The following NFATC1 variants were observed in gnomAD, a reference collection of about 807,000 sequenced individuals.
The protein encoded by NFATC1 is nuclear factor of activated T-cells, cytoplasmic 1.
A neutral mutation model predicts 76.0 loss-of-function variants in NFATC1; 22 were observed. That is an observed-to-expected ratio of 0.29 (90% CI 0.21 to 0.41). NFATC1 has a LOEUF of 0.41. NFATC1 is among the 10% of genes least tolerant of loss of function. NFATC1 has a pLI of 1.00. For synonymous variants in NFATC1, 704 were observed against 613.1 expected (o/e 1.15, Z -2.19); for missense variants, 1,357 against 1,337.7 (o/e 1.01, Z -0.23).
At chr18:79,486,209 C>T (rs1176981911) in intron 8 of NFATC1, 39 bp from the exon 9 acceptor site, 1 of 1,569,342 alleles carries the variant, frequency 6.4e-7, no homozygotes, top group Non-Finnish European at 8.7e-7. Flanking sequence ...CACTCATTCG[C>T]AACTTGTGTT....
chr18:79,441,221 G>A (rs754589729), intron 3 of NFATC1, among the ~76,000 whole-genome samples: 18 of 152,338 alleles, frequency 1.2e-4, no homozygotes, highest in Non-Finnish European at 2.4e-4. Flanking sequence ...GGCGCTGCAG[G>A]GTGCGGGCCC....
intron 2 of NFATC1, among the ~76,000 whole-genome samples, chr18:79,432,342 C>T (rs370780502): frequency 4.8e-5 from 7 of 144,848 alleles, no homozygotes; most frequent in African/African-American, 1.1e-4. Flanking sequence ...TGAGGACAGT[C>T]GGCGGGCCCT....
At chr18:79,484,506 C>T (rs950976185) in intron 8 of NFATC1, among the ~76,000 whole-genome samples, 1 of 151,684 alleles carries the variant, frequency 6.6e-6, no homozygotes, top group African/African-American at 2.4e-5. Context: ...ACTCAGTGTG[C>T]AGGGCGGACG....
chr18:79,454,955 G>A (rs1354502039), intron 6 of NFATC1, among the ~76,000 whole-genome samples: 1 of 152,002 alleles, frequency 6.6e-6, no homozygotes, highest in Non-Finnish European at 1.5e-5. Flanking sequence ...GCACCTCTCT[G>A]TACACGCGTG....
chr18:79,449,674 C>T (rs554921978), intron 4 of NFATC1, among the ~76,000 whole-genome samples: 7 of 152,230 alleles, frequency 4.6e-5, no homozygotes, highest in Non-Finnish European at 7.4e-5. Context: ...GGAGCCAGGC[C>T]GGAGGGCAGG....
At chr18:79,433,123 G>A (rs775752321) in intron 2 of NFATC1, among the ~76,000 whole-genome samples, 8 of 152,270 alleles carry the variant, frequency 5.3e-5, no homozygotes, top group African/African-American at 9.6e-5. Flanking sequence ...GCGGCGCTGC[G>A]CACATCACAA....
intron 9 of NFATC1, among the ~76,000 whole-genome samples, chr18:79,506,189 C>T (rs747800886): frequency 1.3e-5 from 2 of 152,150 alleles, no homozygotes; most frequent in South Asian, 2.1e-4. Context: ...AGCGGTTCGC[C>T]GTGGGGTCTG....
At chr18:79,485,548 C>A (rs186617672) in intron 8 of NFATC1, among the ~76,000 whole-genome samples, 9 of 151,150 alleles carry the variant, frequency 6.0e-5, no homozygotes, top group African/African-American at 1.9e-4. Flanking sequence ...CCGGGCCTGG[C>A]GGAGCAGCCT....
At chr18:79,412,608 C>T (rs750926827) in intron 2 of NFATC1, among the ~76,000 whole-genome samples, 9 of 152,172 alleles carry the variant, frequency 5.9e-5, no homozygotes, top group Non-Finnish European at 1.2e-4. Flanking sequence ...CAGTCTCAGG[C>T]CATGCTTCAG....
chr18:79,503,144 A>G (rs2090048748), intron 9 of NFATC1, among the ~76,000 whole-genome samples: 1 of 152,256 alleles, frequency 6.6e-6, no homozygotes, highest in South Asian at 2.1e-4. Flanking sequence ...AAAAGGAATG[A>G]GTACTGAGCA....
intron 9 of NFATC1, among the ~76,000 whole-genome samples, chr18:79,517,207 A>T (rs2090405040): frequency 6.6e-6 from 1 of 152,242 alleles, no homozygotes; most frequent in South Asian, 2.1e-4. Flanking sequence ...TGTCCTACCC[A>T]AATTATTACC....
At chr18:79,471,766 G>A (rs556637281) in intron 8 of NFATC1, among the ~76,000 whole-genome samples, 8 of 152,376 alleles carry the variant, frequency 5.3e-5, no homozygotes, top group African/African-American at 1.7e-4. Context: ...ACCACAGAAC[G>A]TGACATCCAG....
rs2088425449 is a variant in NFATC1 at position 79,465,389 on chromosome 18, C to T, written c.1960-2061C>T. ...CATGCCCCACAGGGTCCCACCTCCA[C>T]CCATCCAGCCTGCCTCACGGGGTCC... On this transcript the variant is annotated intron_variant, in intron 7 of 9. Coordinates refer to ENST00000427363, the MANE Select transcript of NFATC1 (RefSeq NM_001278669.2). This position sits in a 1 kb window ranked among gnomAD's most constrained non-coding sequence, Gnocchi z 4.2. Among the ~76,000 whole-genome samples the T allele has an allele frequency of 2.0e-5, 3 of 152,150 alleles. No individual in the cohort carries two copies. Among genetic ancestry groups the T allele is most frequent in the Admixed American group, 1.3e-4 (2 of 15,266 alleles).
At chr18:79,432,593 C>T (rs940096882) in intron 2 of NFATC1, among the ~76,000 whole-genome samples, 2 of 152,330 alleles carry the variant, frequency 1.3e-5, no homozygotes, top group Non-Finnish European at 2.9e-5. Flanking sequence ...GGGGCTGCAG[C>T]GGCCACAGAG....
intron 1 of NFATC1, chr18:79,400,399 G>C (rs1249819200): frequency 5.4e-6 from 8 of 1,489,674 alleles, no homozygotes; most frequent in South Asian, 1.3e-5. Context: ...GCCATGACGG[G>C]GCTGGAGGAC....
chr18:79,436,236 T>TG, intron 3 of NFATC1, among the ~76,000 whole-genome samples: 1 of 152,180 alleles, frequency 6.6e-6, no homozygotes, highest in Non-Finnish European at 1.5e-5. Context: ...CGCACTGGCC[T>TG]GGGGGCGCGA....
chr18:79,445,901 C>T (rs1355287474), intron 3 of NFATC1, among the ~76,000 whole-genome samples: 1 of 152,222 alleles, frequency 6.6e-6, no homozygotes, highest in Non-Finnish European at 1.5e-5. Context: ...TAAATTTGGC[C>T]TCAATCATCC....
Position 79,410,958 on chromosome 18 carries a change from G to C in NFATC1, c.683G>C (p.Cys228Ser). The C allele has an allele frequency of 6.2e-7, 1 of 1,602,214 alleles. No homozygotes were observed. ...GGCTTTCCCCGCGGGCTGGGGGCCT[G>C]CACACTGCTGGGTTCCCCGCGGCAC... ...EEGFPRGLGA[C>S]TLLGSPRHSP... The change falls in exon 2 of 10, where the codon TGC (cysteine) becomes TCC (serine). Residue 228 changes from cysteine to serine, a missense_variant. Physicochemically the swap from Cys to Ser is moderately radical, Grantham distance 112. Around this residue, in one of 3 missense-constraint regions of NFATC1, gnomAD observed 691 missense variants for 613.1 expected, o/e 1.13. Transcript: ENST00000427363. This position sits in a 1 kb window ranked among gnomAD's most constrained non-coding sequence, Gnocchi z 6.7.
chr18:79,403,107 G>A (rs2085322230), intron 1 of NFATC1, among the ~76,000 whole-genome samples: 1 of 152,228 alleles, frequency 6.6e-6, no homozygotes, highest in South Asian at 2.1e-4. Flanking sequence ...GTGTACCGGG[G>A]TTGGGGGCTG....
Sources: gnomAD v4.1 joint callset for allele counts (sites outside exome capture counted in the v4.1 genomes callset) on GRCh38, gnomAD v4.1.1 for gene constraint, gnomAD v4.1.1 regional missense constraint, Gnocchi (gnomAD v3.1) non-coding constraint, MANE v1.5 for transcripts, NCBI Gene and HGNC (gene_info 2026-07-23, HGNC 2026-07-21) for gene names.